The following ABR variants were observed in gnomAD, a reference collection of about 807,000 sequenced individuals.
ABR encodes the protein active breakpoint cluster region-related protein.
In ABR, 35 loss-of-function variants were observed where a neutral mutation model predicts 107.2. That is an observed-to-expected ratio of 0.33 (90% CI 0.25 to 0.43). The LOEUF is 0.43. Among genes scored for constraint, ABR ranks in the 20% least tolerant of loss-of-function variants. ABR has a pLI of 1.00. For missense variants in ABR, 815 were observed against 1,115.2 expected (o/e 0.73, Z 3.83); for synonymous variants, 498 against 462.0 (o/e 1.08, Z -1.00).
At chr17:1,144,152 A>C (rs2040429892) in intron 1 of ABR, among the ~76,000 whole-genome samples, 1 of 152,150 alleles carries the variant, frequency 6.6e-6, no homozygotes, top group African/African-American at 2.4e-5. Flanking sequence ...GAGGGAACTA[A>C]AATTCCTCAT....
chr17:1,037,743 GA>G lies in ABR; in HGVS notation c.1791+12306del, dbSNP rs1370273058. Among the ~76,000 whole-genome samples, 4 of 152,116 alleles carry G rather than the reference GA, an allele frequency of 2.6e-5. No homozygotes were observed. The highest frequency in any genetic ancestry group is 4.8e-5 in the African/African-American group (2 of 41,432). ...CCTGAGGCAGGAGGGGCTGAGGCCT[GA>G]AGGTGGGATGGGGTCGCCGAGCCTC... On this transcript the variant is annotated intron_variant, in intron 16 of 22. Transcript: ENST00000302538. The surrounding 1 kb of genome is among the most constrained non-coding windows in gnomAD (Gnocchi z 4.6).
intron 1 of ABR, among the ~76,000 whole-genome samples, chr17:1,197,089 C>T (rs1024308129): frequency 1.3e-5 from 2 of 151,588 alleles, no homozygotes; most frequent in African/African-American, 2.4e-5. Flanking sequence ...CCTGGACAGA[C>T]GCATCCTGCA....
chr17:1,089,626 TCAA>T, intron 4 of ABR, among the ~76,000 whole-genome samples: 1 of 152,136 alleles, frequency 6.6e-6, no homozygotes, highest in Non-Finnish European at 1.5e-5. Context: ...ATTCACTCAT[TCAA>T]GCAGTGACCA....
chr17:1,196,825 G>A (rs989737405), intron 1 of ABR, among the ~76,000 whole-genome samples: 35 of 151,894 alleles, frequency 2.3e-4, no homozygotes, highest in African/African-American at 8.2e-4. Context: ...CTCCCGAGTA[G>A]CTGGGACTAC....
chr17:1,031,743 C>CTG, intron 16 of ABR: 1 of 1,233,116 alleles, frequency 8.1e-7, no homozygotes, highest in Non-Finnish European at 1.0e-6. Context: ...GTCGGTCATG[C>CTG]CGGGGGGGAC....
chr17:1,108,793 A>C, intron 2 of ABR: 2 of 1,076,240 alleles, frequency 1.9e-6, no homozygotes, highest in Non-Finnish European at 2.5e-6. Flanking sequence ...CTCCCCCGGG[A>C]ACAGCTGCCG....
intron 1 of ABR, among the ~76,000 whole-genome samples, chr17:1,178,608 C>G (rs1323210386): frequency 2.0e-5 from 3 of 151,888 alleles, no homozygotes; most frequent in African/African-American, 7.3e-5. Flanking sequence ...TCCATGGCAT[C>G]CAGTGCCTAG....
chr17:1,195,015 T>A lies in ABR; in HGVS notation c.838+33778A>T, dbSNP rs187378891. Among the ~76,000 whole-genome samples the A allele has an allele frequency of 2.7e-3, 406 of 147,740 alleles. 5 individuals carry two copies. Among genetic ancestry groups the A allele is most frequent in the African/African-American group, 9.6e-3 (389 of 40,608 alleles). On this transcript the variant is annotated intron_variant, in intron 1 of 22. Transcript: ENST00000574139. ...TATGTTGCCCAGGCTGCTCTTGAAG[T>A]CCTGGCCTCAGGCCAGGCGCGGTGG...
Position 1,058,785 on chromosome 17 carries a change from G to A in ABR, c.1265C>T (p.Ser422Phe). The A allele has an allele frequency of 6.2e-7, 1 of 1,614,144 alleles. No individual in the cohort carries two copies. Among genetic ancestry groups the A allele is most frequent in the Non-Finnish European group, 8.5e-7 (1 of 1,180,024 alleles). ...FENEFLLLLNSPTIPFRIHNR... is the reference protein window; with the variant it reads ...FENEFLLLLNFPTIPFRIHNR... Reference sequence around the variant, plus strand: ...GTGGATCCTGAACGGGATTGTGGGGGAGTTGAGCAGCAGCAGGAACTCATT... The same window carrying A: ...GTGGATCCTGAACGGGATTGTGGGGAAGTTGAGCAGCAGCAGGAACTCATT... The change falls in exon 11 of 23, where the codon TCC becomes TTC. Residue 422 changes from serine (S) to phenylalanine (F), a missense_variant. By Grantham distance (155) the Ser-to-Phe change is radical. This residue lies in a region of ABR where 385 missense variants were observed against 596.9 expected (regional missense o/e 0.64). Coordinates refer to ENST00000302538, the MANE Select transcript of ABR (RefSeq NM_021962.5).
chr17:1,177,050 G>A (rs1273737038), intron 1 of ABR, among the ~76,000 whole-genome samples: 1 of 152,000 alleles, frequency 6.6e-6, no homozygotes, highest in Non-Finnish European at 1.5e-5. Flanking sequence ...CCTGTGCCCT[G>A]GGTATACCCC....
chr17:1,047,868 G>C (rs117816918), intron 16 of ABR, among the ~76,000 whole-genome samples: 7,956 of 152,304 alleles, frequency 0.052, 271 homozygotes, highest in Non-Finnish European at 0.075. Flanking sequence ...AAGTCCAGGT[G>C]GGGGAATGTG....
In ABR at chr17:1,079,353, C is replaced by T; in HGVS notation, c.677G>A (p.Ser226Asn). 2 of 1,613,722 alleles carry T rather than the reference C, an allele frequency of 1.2e-6. No homozygotes were observed. Among genetic ancestry groups the T allele is most frequent in the Non-Finnish European group, 1.7e-6 (2 of 1,179,806 alleles). The change falls in exon 6 of 23, where the codon AGC becomes AAC. Residue 226 changes from serine to asparagine, a missense_variant. By Grantham distance (46) the Ser-to-Asn change is conservative. This residue lies in a region of ABR where 385 missense variants were observed against 596.9 expected (regional missense o/e 0.64). Coordinates refer to ENST00000302538, the MANE Select transcript of ABR (RefSeq NM_021962.5). ...ACCTTCCATGGTGACAGACGTGTGG[C>T]TGTCCTTGGAGTCCTTGGGACCTTT... Reference protein sequence around the residue: ...KVKGPKDSKDSHTSVTMEALL... With the variant: ...KVKGPKDSKDNHTSVTMEALL...
At chr17:1,151,518 A>G (rs868710962) in intron 1 of ABR, among the ~76,000 whole-genome samples, 3 of 152,196 alleles carry the variant, frequency 2.0e-5, no homozygotes, top group African/African-American at 7.2e-5. Context: ...GAAACCACAA[A>G]GGGCCTCGGT....
intron 16 of ABR, among the ~76,000 whole-genome samples, chr17:1,026,345 C>A (rs556486868): frequency 3.9e-5 from 6 of 152,386 alleles, no homozygotes; most frequent in Admixed American, 3.3e-4. Context: ...GAGGCCTCCC[C>A]GAGCACAGCC....
intron 1 of ABR, among the ~76,000 whole-genome samples, chr17:1,135,152 G>A (rs1298586441): frequency 1.3e-5 from 2 of 152,130 alleles, no homozygotes; most frequent in Non-Finnish European, 2.9e-5. Context: ...CCCTGGAGGG[G>A]ACTATAAATA....
chr17:1,035,925 G>A (rs904678674), intron 16 of ABR, among the ~76,000 whole-genome samples: 1 of 151,372 alleles, frequency 6.6e-6, no homozygotes. Context: ...GTTCAGTGGC[G>A]GCATCAACGA....
At chr17:1,032,660 G>GCAGAGGACGCCACGGGCAA (rs1473480086) in intron 16 of ABR, among the ~76,000 whole-genome samples, 7 of 149,170 alleles carry the variant, frequency 4.7e-5, no homozygotes, top group Non-Finnish European at 6.0e-5. Flanking sequence ...CGTGCTGGGC[G>GCAGAGGACGCCACGGGCAA]CCTTGAGAGA....
At chr17:1,194,160 G>A (rs1054508854) in intron 1 of ABR, among the ~76,000 whole-genome samples, 1 of 151,844 alleles carries the variant, frequency 6.6e-6, no homozygotes, top group Non-Finnish European at 1.5e-5. Context: ...TGGCAAGGGT[G>A]TTTCCTTTGT....
At chr17:1,125,442 C>T (rs762888180) in intron 1 of ABR, 75 bp from the exon 2 acceptor site, 9 of 1,568,434 alleles carry the variant, frequency 5.7e-6, no homozygotes, top group Admixed American at 1.7e-5. Flanking sequence ...TAGTGGGCGC[C>T]GGCGGCGGCC....
Sources: allele counts gnomAD v4.1 joint callset (sites outside exome capture counted in the v4.1 genomes callset), GRCh38; gene constraint gnomAD v4.1.1; regional missense constraint gnomAD v4.1.1; non-coding constraint Gnocchi (gnomAD v3.1); transcripts MANE v1.5; gene names NCBI Gene and HGNC (gene_info 2026-07-23, HGNC 2026-07-21).